Variants in P2RY14 observed in about 807,000 individuals in gnomAD.
P2RY14 encodes P2Y purinoceptor 14.
Under a neutral mutation model 0.9 loss-of-function variants are expected in P2RY14, and 2 were observed. That is an observed-to-expected ratio of 2.16 (90% confidence interval 0.88 to 6.79). The LOEUF (loss-of-function observed/expected upper bound fraction) is 6.79. Among genes scored for constraint, P2RY14 ranks in the 30% most tolerant of loss-of-function variants. P2RY14 has a pLI of 0.05. For synonymous variants in P2RY14, 158 were observed against 147.2 expected (o/e 1.07, Z -0.53); for missense variants, 378 against 400.1 (o/e 0.94, Z 0.47).
At position 151,244,461 on chromosome 3, in the gene P2RY14, T is replaced by A. The variant is rs1280567378; in HGVS notation, c.-132-24819A>T. Among the ~76,000 whole-genome samples, 4 of 143,144 alleles carry A rather than the reference T, an allele frequency of 2.8e-5. No homozygotes were observed. The South Asian group carries it at 9.6e-4, about 35-fold the overall frequency. 93.9% of individuals were successfully genotyped at this position (143,144 alleles called of 152,430 possible). A position where few individuals can be genotyped will look rare whatever the true frequency, so the allele number is the denominator to read the frequency against. On this transcript the variant is annotated intron_variant, in intron 1 of 2. Transcript: ENST00000309170. The stretch of plus-strand genomic sequence containing the variant: ...TCAAACTAGAACTCAGGATTAAGAA[T>A]CTCACTCAAAACCACTCAACTACAT...
intron 1 of P2RY14, among the ~76,000 whole-genome samples, chr3:151,257,977 G>T (rs903248084): frequency 2.6e-5 from 4 of 152,238 alleles, no homozygotes; most frequent in Admixed American, 1.3e-4. Flanking sequence ...GATAACATAA[G>T]AAACAATTTG....
intron 1 of P2RY14, among the ~76,000 whole-genome samples, chr3:151,259,646 G>A (rs1738492320): frequency 6.6e-6 from 1 of 152,130 alleles, no homozygotes; most frequent in Non-Finnish European, 1.5e-5. Flanking sequence ...AAGATAGGTA[G>A]GTTTTACTTT....
In P2RY14 at chr3:151,239,000, A is replaced by G. The variant is rs1380895075; in HGVS notation, c.-132-19358T>C. On this transcript the variant is annotated intron_variant, in intron 1 of 2. Transcript: ENST00000309170. ...AACTGAGAGACAATTTTTGACAATGATAAAATTCAAGCTTTCAAACTGAAA... is the reference window on the plus strand; with the variant it reads ...AACTGAGAGACAATTTTTGACAATGGTAAAATTCAAGCTTTCAAACTGAAA... Among the ~76,000 whole-genome samples, 5 of 152,352 alleles carry G rather than the reference A, an allele frequency of 3.3e-5. No homozygotes were observed. In the East Asian group the frequency reaches 9.6e-4, roughly 29 times the overall value.
At chr3:151,261,005 AG>A (rs1053009144) in intron 1 of P2RY14, among the ~76,000 whole-genome samples, 3 of 151,954 alleles carry the variant, frequency 2.0e-5, no homozygotes, top group African/African-American at 7.2e-5. Flanking sequence ...TGTGTGTTGC[AG>A]GGCAAGCATG....
chr3:151,229,712 G>T (rs542260192), intron 1 of P2RY14, among the ~76,000 whole-genome samples: 2 of 152,102 alleles, frequency 1.3e-5, no homozygotes, highest in Admixed American at 1.3e-4. Context: ...TGATCCGCCT[G>T]CCTCGGCCTC....
chr3:151,253,386 A>T (rs558941428), intron 1 of P2RY14, among the ~76,000 whole-genome samples: 1 of 152,174 alleles, frequency 6.6e-6, no homozygotes, highest in Non-Finnish European at 1.5e-5. Context: ...TAAGATACAC[A>T]TTTTAATATG....
chr3:151,221,208 A>G (rs568997447), intron 1 of P2RY14, among the ~76,000 whole-genome samples: 8 of 152,320 alleles, frequency 5.3e-5, no homozygotes, highest in Admixed American at 5.2e-4. Flanking sequence ...GCAAAGCATT[A>G]AAGAGGTGAC....
intron 1 of P2RY14, among the ~76,000 whole-genome samples, chr3:151,239,179 T>C (rs753541884): frequency 2.0e-5 from 3 of 152,246 alleles, no homozygotes; most frequent in Non-Finnish European, 4.4e-5. Context: ...ATGTATTTTA[T>C]CTACATGACC....
chr3:151,271,767 A>G (rs1338820081), intron 1 of P2RY14, among the ~76,000 whole-genome samples: 1 of 152,242 alleles, frequency 6.6e-6, no homozygotes, highest in African/African-American at 2.4e-5. Context: ...CAAGTCAGAC[A>G]CAAACGACTA....
At chr3:151,261,702 G>A (rs1314757743) in intron 1 of P2RY14, among the ~76,000 whole-genome samples, 1 of 151,306 alleles carries the variant, frequency 6.6e-6, no homozygotes, top group African/African-American at 2.4e-5. Context: ...GTTTTGTTTT[G>A]TTTTGTTTTG....
rs73021139 is a variant in P2RY14 at position 151,215,263 on chromosome 3, A to T, written c.-24-923T>A. 8.3e-3 allele frequency among the ~76,000 whole-genome samples: 1,260 copies of T among 152,316 alleles called. 23 individuals are homozygous for T. Among genetic ancestry groups the T allele is most frequent in the African/African-American group, 0.029 (1,194 of 41,580 alleles). ...TGTACTATTCAGTATGGTAGCCACT[A>T]GCCATGTGTGGGTATTGAGCACTTG... On this transcript the variant is annotated intron_variant, in intron 2 of 2. Transcript: ENST00000309170.
At chr3:151,273,680 C>T (rs529683581) in intron 1 of P2RY14, among the ~76,000 whole-genome samples, 54 of 152,206 alleles carry the variant, frequency 3.5e-4, no homozygotes, top group Admixed American at 9.8e-4. Context: ...GTGGTGGAGT[C>T]AAGATTTGAA....
intron 1 of P2RY14, among the ~76,000 whole-genome samples, chr3:151,273,227 CTT>C (rs63035061): frequency 3.8e-4 from 40 of 106,154 alleles, no homozygotes; most frequent in African/African-American, 1.2e-3. Flanking sequence ...TTGTTGTGTT[CTT>C]TTTTTTTTTT....
chr3:151,247,263 G>A (rs900367743), intron 1 of P2RY14, among the ~76,000 whole-genome samples: 9 of 152,090 alleles, frequency 5.9e-5, no homozygotes, highest in African/African-American at 1.9e-4. Context: ...CCATTACTGG[G>A]TATATACCCA....
chr3:151,233,258 C>T (rs755413083), intron 1 of P2RY14, among the ~76,000 whole-genome samples: 9 of 152,330 alleles, frequency 5.9e-5, no homozygotes, highest in East Asian at 3.9e-4. Context: ...CCTTGAGCTA[C>T]GCTGTCTTGT....
chr3:151,243,433 C>G (rs916115686), intron 1 of P2RY14, among the ~76,000 whole-genome samples: 1 of 151,966 alleles, frequency 6.6e-6, no homozygotes, highest in Non-Finnish European at 1.5e-5. Context: ...AGAAACCCTA[C>G]AAGCCAGAAG....
Position 151,213,909 on chromosome 3 carries a change from A to T in P2RY14, c.408T>A (p.Ser136Arg), listed in dbSNP as rs1376539589. Residue 136 changes from serine (S) to arginine (R), a missense_variant, in exon 3 of 3, where the codon AGT becomes AGA. Ser to Arg is a moderately radical substitution (Grantham distance 110). Coordinates refer to ENST00000309170, the MANE Select transcript of P2RY14 (RefSeq NM_014879.4). ...CTATCACTGACAGAAGTTTGCTGTAACTCACTGACTGGATGAAAGAAGTCC... is the reference window on the plus strand; with the variant it reads ...CTATCACTGACAGAAGTTTGCTGTATCTCACTGACTGGATGAAAGAAGTCC... The part of the protein sequence containing the change: ...PLWTSFIQSV[S>R]YSKLLSVIVW... 6.2e-7 allele frequency: 1 copy of T among 1,614,136 alleles called. No homozygotes were observed. Among genetic ancestry groups the T allele is most frequent in the South Asian group, 1.1e-5 (1 of 91,084 alleles).
At chr3:151,221,313 C>T (rs1258023162) in intron 1 of P2RY14, among the ~76,000 whole-genome samples, 1 of 152,156 alleles carries the variant, frequency 6.6e-6, no homozygotes, top group Admixed American at 6.5e-5. Flanking sequence ...AAAGAAAATC[C>T]CATCTTCTGA....
intron 1 of P2RY14, among the ~76,000 whole-genome samples, chr3:151,232,707 G>A (rs1731934737): frequency 6.6e-6 from 1 of 152,116 alleles, no homozygotes; most frequent in Non-Finnish European, 1.5e-5. Flanking sequence ...AATACCACAT[G>A]TTCTCACTTA....
Sources: gnomAD v4.1 joint callset for allele counts (sites outside exome capture counted in the v4.1 genomes callset) on GRCh38, gnomAD v4.1.1 for gene constraint, MANE v1.5 for transcripts, NCBI Gene and HGNC (gene_info 2026-07-23, HGNC 2026-07-21) for gene names.